The following RANBP2 variants were observed in gnomAD, a reference collection of about 807,000 sequenced individuals.
RANBP2 encodes the protein E3 SUMO-protein ligase RanBP2.
RANBP2 carries 57 observed loss-of-function variants against 303.6 expected under a neutral mutation model. The ratio of observed to expected loss-of-function variants is 0.19; its 90% CI spans 0.15 to 0.23. The LOEUF (loss-of-function observed/expected upper bound fraction) is 0.23, where lower values mean the gene tolerates loss of function less well. Ranked by LOEUF, RANBP2 falls within the 10% of genes least tolerant of loss-of-function variation. The pLI is 1.00. For missense variants in RANBP2, 3,138 were observed against 3,780.8 expected (o/e 0.83, Z 4.46); for synonymous variants, 1,167 against 1,301.5 (o/e 0.90, Z 2.23).
the RANBP2 span, among the ~76,000 whole-genome samples, chr2:108,850,113 A>G: frequency 3.3e-5 from 5 of 152,226 alleles, no homozygotes; most frequent in African/African-American, 9.6e-5. Flanking sequence ...TGATACAGCT[A>G]TTTATCCTTT....
At chr2:109,691,767 A>G in the RANBP2 span, among the ~76,000 whole-genome samples, 2 of 123,014 alleles carry the variant, frequency 1.6e-5, no homozygotes, top group African/African-American at 6.2e-5. Flanking sequence ...GGCCCCCTGG[A>G]AAGTTCATGA....
At chr2:109,690,686 C>T in the RANBP2 span, among the ~76,000 whole-genome samples, 1 of 151,996 alleles carries the variant, frequency 6.6e-6, no homozygotes. Context: ...GAGGGACGAG[C>T]CAGGCCGGCC....
chr2:108,791,412 C>G, the RANBP2 span: 2 of 445,414 alleles, frequency 4.5e-6, no homozygotes, highest in Non-Finnish European at 8.4e-6. Flanking sequence ...TGTTCCTTAG[C>G]TGTAGAATAT....
chr2:109,606,181 C>A, the RANBP2 span, among the ~76,000 whole-genome samples: 1 of 152,080 alleles, frequency 6.6e-6, no homozygotes, highest in Non-Finnish European at 1.5e-5. Context: ...CTTTGGGAGA[C>A]CAAGGAGGGA....
chr2:109,393,961 C>T, the RANBP2 span, among the ~76,000 whole-genome samples: 35 of 152,166 alleles, frequency 2.3e-4, no homozygotes, highest in East Asian at 1.9e-4. Context: ...GTGGACCCAG[C>T]GCTGAAATTC....
the RANBP2 span, among the ~76,000 whole-genome samples, chr2:109,204,656 C>T: frequency 6.6e-6 from 1 of 152,214 alleles, no homozygotes; most frequent in Non-Finnish European, 1.5e-5. Flanking sequence ...TTGCCAGGGA[C>T]CTGCTGGCAG....
At chr2:108,741,392 T>C (rs1037238476) in intron 7 of RANBP2, among the ~76,000 whole-genome samples, 1 of 151,630 alleles carries the variant, frequency 6.6e-6, no homozygotes, top group Non-Finnish European at 1.5e-5. Flanking sequence ...GAGATGGCGT[T>C]TCACCATGTT....
At chr2:109,120,867 G>C in the RANBP2 span, among the ~76,000 whole-genome samples, 2 of 152,132 alleles carry the variant, frequency 1.3e-5, no homozygotes, top group African/African-American at 2.4e-5. Flanking sequence ...TCCTGGTACA[G>C]AGAAGCCCTG....
chr2:108,794,656 A>C, the RANBP2 span: 1 of 1,614,132 alleles, frequency 6.2e-7, no homozygotes, highest in Non-Finnish European at 8.5e-7. Context: ...AGACAAGCGG[A>C]GTTTACTTCC....
At chr2:109,475,904 G>C in the RANBP2 span, among the ~76,000 whole-genome samples, 1 of 152,076 alleles carries the variant, frequency 6.6e-6, no homozygotes, top group African/African-American at 2.4e-5. Flanking sequence ...ACATCTTCAC[G>C]AGCTTCACCT....
At chr2:109,722,466 C>A in the RANBP2 span, among the ~76,000 whole-genome samples, 2 of 152,192 alleles carry the variant, frequency 1.3e-5, no homozygotes, top group African/African-American at 4.8e-5. Context: ...CCCCATTGGT[C>A]CTTCTCTTTT....
chr2:109,202,621 G>T, the RANBP2 span, among the ~76,000 whole-genome samples: 13 of 152,090 alleles, frequency 8.5e-5, no homozygotes, highest in African/African-American at 3.1e-4. Context: ...AGGGTGAGGC[G>T]TCAGCCCGGC....
chr2:109,031,622 A>C, the RANBP2 span, among the ~76,000 whole-genome samples: 1 of 151,852 alleles, frequency 6.6e-6, no homozygotes, highest in Admixed American at 6.6e-5. Context: ...TGCTGTGTGC[A>C]CCCCCTGCAG....
At chr2:108,787,461 A>G (rs75495651), downstream of RANBP2, among the ~76,000 whole-genome samples, 3,274 of 152,176 alleles carry the variant, frequency 0.022, 60 homozygotes, top group Non-Finnish European at 0.033. Context: ...TAACTTGTGC[A>G]TTTTTCCTAA....
At chr2:109,143,067 A>C in the RANBP2 span, among the ~76,000 whole-genome samples, 1 of 152,126 alleles carries the variant, frequency 6.6e-6, no homozygotes, top group Admixed American at 6.5e-5. Context: ...GGTGTCCCTG[A>C]GCCCGGGAAC....
intron 28 of RANBP2, 22 bp downstream of exon 28, chr2:108,782,884 C>A (rs1678351788): frequency 1.3e-6 from 2 of 1,583,828 alleles, no homozygotes; most frequent in Non-Finnish European, 1.7e-6. Context: ...TAAGTACATA[C>A]CACAATTGAG....
the RANBP2 span, among the ~76,000 whole-genome samples, chr2:108,868,759 A>G: frequency 6.6e-6 from 1 of 152,182 alleles, no homozygotes; most frequent in Non-Finnish European, 1.5e-5. Context: ...ACCATGACAC[A>G]TAAAAATAAA....
At chr2:109,145,899 C>T in the RANBP2 span, among the ~76,000 whole-genome samples, 3 of 152,122 alleles carry the variant, frequency 2.0e-5, no homozygotes, top group Admixed American at 6.5e-5. Flanking sequence ...TATGGGTGTG[C>T]GTGGAGCCCT....
the RANBP2 span, among the ~76,000 whole-genome samples, chr2:109,254,659 TC>T: frequency 9.2e-5 from 14 of 152,184 alleles, no homozygotes; most frequent in South Asian, 6.2e-4. Context: ...GGGTTTCACT[TC>T]CTGCTGTCTC....
Sources: allele counts gnomAD v4.1 joint callset (sites outside exome capture counted in the v4.1 genomes callset), GRCh38; gene constraint gnomAD v4.1.1; transcripts MANE v1.5; gene names NCBI Gene and HGNC (gene_info 2026-07-23, HGNC 2026-07-21).